PLD1: variants seen among roughly 807,000 people sequenced by gnomAD.
PLD1 encodes choline phosphatase 1.
PLD1 carries 112 observed loss-of-function variants against 137.1 expected under a neutral mutation model. The ratio of observed to expected loss-of-function variants is 0.82; its 90% CI spans 0.70 to 0.96. PLD1 has a LOEUF of 0.96. Ranked by LOEUF, PLD1 falls within the 40% of genes least tolerant of loss-of-function variation. PLD1 has a pLI of 0.00. For synonymous variants in PLD1, 431 were observed against 454.7 expected (o/e 0.95, Z 0.66); for missense variants, 1,321 against 1,342.0 (o/e 0.98, Z 0.24).
rs1254088502 is a variant in PLD1 at position 171,665,978 on chromosome 3, TCA to T, written c.2230-3810_2230-3809del. Among the ~76,000 whole-genome samples, 14 of 152,358 alleles carry T rather than the reference TCA, an allele frequency of 9.2e-5. 1 individual carries two copies. The highest frequency in any genetic ancestry group is 4.6e-4 in the Admixed American group (7 of 15,306). On this transcript the variant is annotated intron_variant, in intron 19 of 26. Coordinates refer to ENST00000351298, the MANE Select transcript of PLD1 (RefSeq NM_002662.5). ...GAAGAAAATCACTTGGGATTGTTATTCATTTACTACTATTCTAATTAGTTAAA... is the reference window on the plus strand; with the variant it reads ...GAAGAAAATCACTTGGGATTGTTATTTTTACTACTATTCTAATTAGTTAAA...
chr3:171,688,800 T>G lies in PLD1; in HGVS notation c.1415A>C (p.Gln472Pro), dbSNP rs969133015. The change falls in exon 14 of 27, where the codon CAA becomes CCA. Residue 472 changes from glutamine (Q) to proline (P), a missense_variant. Physicochemically the swap from Gln to Pro is moderately conservative, Grantham distance 76. Coordinates refer to ENST00000351298, the MANE Select transcript of PLD1 (RefSeq NM_002662.5). ...AHHEKLVIIDQSVAFVGGIDL... is the reference protein window; with the variant it reads ...AHHEKLVIIDPSVAFVGGIDL... ...AATCCCTCCCACAAAGGCCACCGATTGGTCAATGATGACAAGCTTCTCATG... is the reference window on the plus strand; with the variant it reads ...AATCCCTCCCACAAAGGCCACCGATGGGTCAATGATGACAAGCTTCTCATG... 6 of 1,614,104 alleles carry G rather than the reference T, an allele frequency of 3.7e-6. No homozygotes were observed. The highest frequency in any genetic ancestry group is 5.1e-6 in the Non-Finnish European group (6 of 1,179,968).
chr3:171,710,827 A>G (rs1011013051), intron 9 of PLD1, among the ~76,000 whole-genome samples: 3 of 149,758 alleles, frequency 2.0e-5, no homozygotes, highest in African/African-American at 7.5e-5. Context: ...TTCTGGCATG[A>G]CTATATTGTG....
intron 23 of PLD1, among the ~76,000 whole-genome samples, chr3:171,620,740 C>A (rs868392370): frequency 5.3e-3 from 427 of 80,382 alleles, no homozygotes; most frequent in Admixed American, 0.023. Context: ...CTCTCTCTCT[C>A]TCTATATATA....
intron 23 of PLD1, among the ~76,000 whole-genome samples, chr3:171,637,631 G>C (rs983620419): frequency 6.6e-6 from 1 of 152,156 alleles, no homozygotes; most frequent in African/African-American, 2.4e-5. Flanking sequence ...TAATGAGAAT[G>C]TGAGAGAAAT....
chr3:171,789,121 A>G (rs921893543), intron 1 of PLD1: 4 of 152,320 alleles, frequency 2.6e-5, no homozygotes, highest in African/African-American at 9.6e-5. Context: ...CAGCATGCTA[A>G]GAAAATGGTG....
At chr3:171,620,547 AATTAAT>A (rs1024103461) in intron 23 of PLD1, 27 bp from the exon 24 acceptor site, 8 of 1,400,704 alleles carry the variant, frequency 5.7e-6, no homozygotes, top group Non-Finnish European at 8.0e-6. Flanking sequence ...AAATTATTAA[AATTAAT>A]ATGACCAAGC....
At chr3:171,609,353 G>A (rs1732460577) in intron 25 of PLD1, among the ~76,000 whole-genome samples, 1 of 152,018 alleles carries the variant, frequency 6.6e-6, no homozygotes, top group African/African-American at 2.4e-5. Flanking sequence ...GCTAAATATA[G>A]AACTATCATT....
At chr3:171,794,787 A>T (rs1723362780) in intron 1 of PLD1, among the ~76,000 whole-genome samples, 1 of 152,240 alleles carries the variant, frequency 6.6e-6, no homozygotes, top group Non-Finnish European at 1.5e-5. Context: ...ATACAATAAT[A>T]TAAAAAGAAA....
At chr3:171,677,155 C>T (rs1435340247) in intron 17 of PLD1, among the ~76,000 whole-genome samples, 3 of 152,176 alleles carry the variant, frequency 2.0e-5, no homozygotes, top group South Asian at 2.1e-4. Flanking sequence ...CCTGTTGAAA[C>T]AATGGCAGGC....
rs1717468745 is a variant in PLD1 at position 171,714,002 on chromosome 3, C to G, written c.802G>C (p.Asp268His). ...AGGACGAAGGCAATGGCACCGCTGTCTGGTTTCATATACAATAAAAAGGAA... is the reference window on the plus strand; with the variant it reads ...AGGACGAAGGCAATGGCACCGCTGTGTGGTTTCATATACAATAAAAAGGAA... ...KDSFLLYMKP[D>H]SGAIAFVLLV... The change falls in exon 9 of 27, where the codon GAC (aspartate) becomes CAC (histidine). Residue 268 changes from aspartate (D) to histidine (H), a missense_variant. Coordinates refer to ENST00000351298, the MANE Select transcript of PLD1 (RefSeq NM_002662.5). 1.3e-5 allele frequency: 21 copies of G among 1,608,952 alleles called. No individual in the cohort carries two copies. The highest frequency in any genetic ancestry group is 1.8e-5 in the Non-Finnish European group (21 of 1,175,314).
chr3:171,731,079 G>A (rs6781814), intron 6 of PLD1, among the ~76,000 whole-genome samples: 54,893 of 152,046 alleles, frequency 0.36, 11,022 homozygotes, highest in African/African-American at 0.52. Flanking sequence ...ATACAGATCT[G>A]GATGGCCCTA....
At chr3:171,698,989 A>AT (rs1345845018) in intron 12 of PLD1, among the ~76,000 whole-genome samples, 3 of 151,810 alleles carry the variant, frequency 2.0e-5, no homozygotes, top group Non-Finnish European at 4.4e-5. Flanking sequence ...AAAAAAAAAA[A>AT]AAAAAGGTTA....
At chr3:171,689,491 C>CTTCT (rs1250410816) in intron 13 of PLD1, among the ~76,000 whole-genome samples, 1 of 141,796 alleles carries the variant, frequency 7.1e-6, no homozygotes, top group East Asian at 2.0e-4. Flanking sequence ...TCCTTCCCTC[C>CTTCT]TTCCTTCCTT....
intron 24 of PLD1, among the ~76,000 whole-genome samples, chr3:171,616,173 T>C (rs1733095421): frequency 6.6e-6 from 1 of 152,250 alleles, no homozygotes; most frequent in South Asian, 2.1e-4. Flanking sequence ...CATTTGTTTT[T>C]TCTTATTGAT....
In PLD1 at chr3:171,643,108, A is replaced by G. The variant is rs77144976; in HGVS notation, c.2544-219T>C. ...AGTTGTTTTGAGGTAGGTAAATGGA[A>G]AAGTTATAAAATTCGTGTTAGATTT... On this transcript the variant is annotated intron_variant, in intron 22 of 26. Transcript: ENST00000351298. 1,256 of 387,432 alleles carry G rather than the reference A, an allele frequency of 3.2e-3. 19 individuals carry two copies. Among genetic ancestry groups the G allele is most frequent in the South Asian group, 0.024 (364 of 15,422 alleles). 24.0% of individuals were successfully genotyped at this position (387,432 alleles called of 1,614,324 possible).
chr3:171,641,959 T>C (rs1245559311), intron 23 of PLD1, among the ~76,000 whole-genome samples: 1 of 152,188 alleles, frequency 6.6e-6, no homozygotes, highest in East Asian at 1.9e-4. Flanking sequence ...CAACTTGAAC[T>C]AGAAGTCATA....
chr3:171,633,355 G>T (rs576568052), intron 23 of PLD1, among the ~76,000 whole-genome samples: 1 of 152,136 alleles, frequency 6.6e-6, no homozygotes, highest in East Asian at 1.9e-4. Flanking sequence ...AGAAATAGAT[G>T]AACAAGTATA....
chr3:171,798,451 A>G (rs1190646197), intron 1 of PLD1, among the ~76,000 whole-genome samples: 1 of 152,216 alleles, frequency 6.6e-6, no homozygotes, highest in East Asian at 1.9e-4. Flanking sequence ...AGAAGTCATC[A>G]TATTAAGTGC....
intron 21 of PLD1, among the ~76,000 whole-genome samples, chr3:171,647,190 G>GCA (rs1736307424): frequency 6.6e-6 from 1 of 152,180 alleles, no homozygotes; most frequent in Non-Finnish European, 1.5e-5. Context: ...AAAGACCCTT[G>GCA]CACATGCTAT....
Sources: gnomAD v4.1 joint callset for allele counts (sites outside exome capture counted in the v4.1 genomes callset) on GRCh38, gnomAD v4.1.1 for gene constraint, MANE v1.5 for transcripts, NCBI Gene and HGNC (gene_info 2026-07-23, HGNC 2026-07-21) for gene names.